Variants in SMS observed in about 807,000 individuals in gnomAD.
The protein encoded by SMS is spermine synthase, also known as spermidine aminopropyltransferase.
In SMS, 3 loss-of-function variants were observed where a neutral mutation model predicts 33.0. The observed-to-expected ratio is 0.09, with a 90% CI of 0.04 to 0.23. SMS has a LOEUF of 0.23. Among genes scored for constraint, SMS ranks in the 10% least tolerant of loss-of-function variants. The pLI, the probability that SMS is intolerant of heterozygous loss-of-function variation, is 1.00. For missense variants in SMS, 117 were observed against 288.6 expected (o/e 0.41, Z 4.31); for synonymous variants, 103 against 112.2 (o/e 0.92, Z 0.52).
At chrX:21,945,117 G>T (rs1287538656) in intron 1 of SMS, among the ~76,000 whole-genome samples, 1 of 111,876 alleles carries the variant, frequency 8.9e-6, no homozygotes, top group Non-Finnish European at 1.9e-5. Context: ...TTTCCCCTGG[G>T]CTGGGCGTAT....
rs375015621 is a variant in SMS at position 21,994,269 on chromosome X, C to A, written c.1062-43C>A. The A allele has an allele frequency of 7.0e-6, 8 of 1,143,913 alleles. No individual in the cohort carries two copies. In the East Asian group the frequency reaches 1.2e-4, roughly 17 times the overall value. 94.3% of individuals were successfully genotyped at this position (1,143,913 alleles called of 1,213,427 possible). A position where few individuals can be genotyped will look rare whatever the true frequency, so the allele number is the denominator to read the frequency against. Reference sequence around the variant, plus strand: ...AAACGAATTACAAGTGATGTCTTTTCTTCCTTGAATTACCTGCTTTTATTC... The same window carrying A: ...AAACGAATTACAAGTGATGTCTTTTATTCCTTGAATTACCTGCTTTTATTC... On this transcript the variant is annotated intron_variant, in intron 10 of 10. Coordinates refer to ENST00000404933, the MANE Select transcript of SMS (RefSeq NM_004595.5).
intron 4 of SMS, among the ~76,000 whole-genome samples, chrX:21,973,977 A>T (rs1241872364): frequency 8.9e-6 from 1 of 112,987 alleles, no homozygotes; most frequent in African/African-American, 3.2e-5. Flanking sequence ...CAAATGCAGG[A>T]CAATTTACTC....
At position 21,960,104 on chromosome X, in the gene SMS, C is replaced by T. The variant is rs781449328; in HGVS notation, c.50-7092C>T. The stretch of plus-strand genomic sequence containing the variant: ...GGGCTTGGAGCTCTGGAAATCTCGG[C>T]AGTTCTTTGGTGGCTGGGGCTGCAG... On this transcript the variant is annotated intron_variant, in intron 1 of 10. Coordinates refer to ENST00000404933, the MANE Select transcript of SMS (RefSeq NM_004595.5). 416 of 168,224 alleles carry T rather than the reference C, an allele frequency of 2.5e-3. 1 individual carries two copies. Among genetic ancestry groups the T allele is most frequent in the African/African-American group, 0.013 (407 of 31,658 alleles). 13.9% of individuals were successfully genotyped at this position (168,224 alleles called of 1,213,427 possible). A position where few individuals can be genotyped will look rare whatever the true frequency, so the allele number is the denominator to read the frequency against.
chrX:21,980,424 A>AT (rs1569352518), intron 7 of SMS, among the ~76,000 whole-genome samples: 7 of 85,196 alleles, frequency 8.2e-5, no homozygotes, highest in African/African-American at 2.6e-4. Context: ...CCAAAAAAAA[A>AT]AAAAAATATA....
At chrX:21,982,254 C>T (rs1234091089) in intron 7 of SMS, among the ~76,000 whole-genome samples, 6 of 104,941 alleles carry the variant, frequency 5.7e-5, no homozygotes, top group Non-Finnish European at 1.2e-4. Context: ...AGGAGAATGG[C>T]GTGAACCCGG....
chrX:21,952,421 G>GTT (rs545894421), intron 1 of SMS, among the ~76,000 whole-genome samples: 2 of 33,462 alleles, frequency 6.0e-5, no homozygotes, highest in South Asian at 9.5e-4. Context: ...TTGTTTGTTT[G>GTT]TTTTTTTTTT....
chrX:21,947,362 G>A (rs1922312807), intron 1 of SMS, among the ~76,000 whole-genome samples: 1 of 111,544 alleles, frequency 9.0e-6, no homozygotes, highest in South Asian at 3.8e-4. Context: ...ATCACAGTTG[G>A]TGGAGGGGGG....
intron 1 of SMS, among the ~76,000 whole-genome samples, chrX:21,948,059 T>G (rs1922357864): frequency 8.9e-6 from 1 of 111,742 alleles, no homozygotes; most frequent in Non-Finnish European, 1.9e-5. Flanking sequence ...CAGGTTATGC[T>G]CTATATGACT....
intron 7 of SMS, among the ~76,000 whole-genome samples, chrX:21,983,520 C>T (rs1032859327): frequency 1.8e-5 from 2 of 111,565 alleles, no homozygotes; most frequent in East Asian, 5.6e-4. Context: ...ATACAGCCAA[C>T]CTCAAACTTC....
At chrX:21,989,578 C>T (rs1239928740) in intron 9 of SMS, among the ~76,000 whole-genome samples, 1 of 112,096 alleles carries the variant, frequency 8.9e-6, no homozygotes, top group African/African-American at 3.2e-5. Flanking sequence ...CCACCACTTG[C>T]TTCATGCTAA....
At chrX:21,946,082 A>ATT (rs3216385) in intron 1 of SMS, among the ~76,000 whole-genome samples, 1 of 111,239 alleles carries the variant, frequency 9.0e-6, no homozygotes, top group Non-Finnish European at 1.9e-5. Flanking sequence ...ACAGTGTGTG[A>ATT]TTTTTTGGCC....
intron 1 of SMS, among the ~76,000 whole-genome samples, chrX:21,962,369 G>A (rs1169553066): frequency 2.7e-5 from 3 of 112,363 alleles, no homozygotes; most frequent in East Asian, 2.8e-4. Flanking sequence ...GCATGTGACA[G>A]GTTACCCATG....
chrX:21,958,394 G>A (rs1602190551), intron 1 of SMS, among the ~76,000 whole-genome samples: 3 of 112,463 alleles, frequency 2.7e-5, no homozygotes, highest in South Asian at 3.6e-4. Flanking sequence ...CAACCTTGCC[G>A]TAAGTGGGAT....
chrX:21,969,177 A>G (rs757409656), intron 2 of SMS, among the ~76,000 whole-genome samples: 7 of 111,300 alleles, frequency 6.3e-5, no homozygotes, highest in Admixed American at 9.5e-5. Flanking sequence ...TCCATGGCCA[A>G]CCCCTGTGGC....
At chrX:21,961,034 CTTTTTTTTTTT>C (rs773159264) in intron 1 of SMS, among the ~76,000 whole-genome samples, 8 of 41,725 alleles carry the variant, frequency 1.9e-4, no homozygotes, top group South Asian at 1.5e-3. Context: ...ATATGCATGT[CTTTTTTTTTTT>C]TTTTTTTTTT....
chrX:21,945,022 G>A (rs1313286079), intron 1 of SMS, among the ~76,000 whole-genome samples: 1 of 111,621 alleles, frequency 9.0e-6, no homozygotes, highest in East Asian at 2.8e-4. Flanking sequence ...GTGAGCTGCT[G>A]TAACCTCTTC....
intron 9 of SMS, among the ~76,000 whole-genome samples, chrX:21,991,426 G>A (rs1473557338): frequency 1.8e-5 from 2 of 111,779 alleles, no homozygotes; most frequent in African/African-American, 3.3e-5. Flanking sequence ...TGATCCACCT[G>A]CCTCAGCCTC....
intron 7 of SMS, among the ~76,000 whole-genome samples, chrX:21,980,426 A>AT (rs1218439226): frequency 1.6e-4 from 14 of 85,858 alleles, no homozygotes; most frequent in African/African-American, 4.5e-4. Context: ...AAAAAAAAAA[A>AT]AAAATATATA....
At chrX:21,949,893 G>A (rs1379795369) in intron 1 of SMS, among the ~76,000 whole-genome samples, 1 of 110,532 alleles carries the variant, frequency 9.0e-6, no homozygotes, top group East Asian at 2.8e-4. Context: ...ATGCTGATTC[G>A]GGATTTCCAG....
Sources: allele counts gnomAD v4.1 joint callset (sites outside exome capture counted in the v4.1 genomes callset), GRCh38; gene constraint gnomAD v4.1.1; transcripts MANE v1.5; gene names NCBI Gene and HGNC (gene_info 2026-07-23, HGNC 2026-07-21).